PRICKLE3: variants seen among roughly 807,000 people sequenced by gnomAD.
PRICKLE3 encodes the protein LIM domain only protein 6.
A neutral mutation model predicts 33.8 loss-of-function variants in PRICKLE3; 17 were observed. The ratio of observed to expected loss-of-function variants is 0.50; its 90% confidence interval spans 0.34 to 0.75. The LOEUF (loss-of-function observed/expected upper bound fraction) is 0.75. PRICKLE3 is among the 30% of genes least tolerant of loss of function. PRICKLE3 has a pLI of 0.01. For synonymous variants in PRICKLE3, 211 were observed against 219.6 expected, an observed-to-expected ratio of 0.96 and a Z score of 0.34; for missense variants, 573 against 576.7, an observed-to-expected ratio of 0.99 and a Z score of 0.07.
chrX:49,183,520 G>A, intron 3 of PRICKLE3: 2 of 774,857 alleles, frequency 2.6e-6, no homozygotes, highest in Non-Finnish European at 3.6e-6. Context: ...AATAGGATTG[G>A]GGTGAACAGG....
intron 7 of PRICKLE3, 60 bp downstream of exon 7, chrX:49,177,933 G>A: frequency 9.1e-7 from 1 of 1,101,936 alleles, no homozygotes; most frequent in East Asian, 3.0e-5. Context: ...TCCTGGTGGG[G>A]TAGGACTGTG....
chrX:49,181,929 G>A (rs1281080701), intron 3 of PRICKLE3, among the ~76,000 whole-genome samples: 1 of 106,748 alleles, frequency 9.4e-6, no homozygotes, highest in Non-Finnish European at 1.9e-5. Flanking sequence ...GATTACAGGC[G>A]TGAACCACTG....
chrX:49,181,337 A>G (rs1376852207), intron 3 of PRICKLE3, among the ~76,000 whole-genome samples: 1 of 100,487 alleles, frequency 1.0e-5, no homozygotes, highest in Non-Finnish European at 2.0e-5. Flanking sequence ...CACTGCACTC[A>G]AACCTGGGAG....
Position 49,178,027 on chromosome X carries a change from G to T in PRICKLE3, c.921C>A (p.His307Gln). The stretch of plus-strand genomic sequence containing the variant: ...CCCCACAGCCATCACAGTACTCCGC[G>T]TGGCGGGCCTCGTAGCAGGCGCAGC... ...PHCCACYEAR[H>Q]AEYCDGCGEH... Residue 307 changes from histidine (H) to glutamine (Q), a missense_variant, in exon 7 of 9, where the codon CAC becomes CAA. By Grantham distance (24) the His-to-Gln change is conservative (BLOSUM62 0). Coordinates refer to ENST00000599218, the MANE Select transcript of PRICKLE3 (RefSeq NM_006150.5). 1 of 1,155,227 alleles carries T rather than the reference G, an allele frequency of 8.7e-7. No homozygotes were observed. The highest frequency in any genetic ancestry group is 1.2e-6 in the Non-Finnish European group (1 of 866,850).
At position 49,175,953 on chromosome X, in the gene PRICKLE3, T is replaced by C. The variant is rs374266979; in HGVS notation, c.1568A>G (p.Asn523Ser). Residue 523 changes from asparagine to serine, a missense_variant, in exon 9 of 9, where the codon AAC becomes AGC. Asn to Ser is a conservative substitution (Grantham distance 46, BLOSUM62 1). Coordinates refer to ENST00000599218, the MANE Select transcript of PRICKLE3 (RefSeq NM_006150.5). ...GTGGCGACGTCTGCTTGGGTGGCGG[T>C]TGTGATGGTGATGGTGATTATGATG... ...HHHHNHHHHHNRHPSRRRHYQ... is the reference protein window; with the variant it reads ...HHHHNHHHHHSRHPSRRRHYQ... The C allele has an allele frequency of 2.9e-5, 35 of 1,208,303 alleles. No homozygotes were observed. In the East Asian group the frequency reaches 5.3e-4, roughly 18 times the overall value.
Position 49,175,817 on chromosome X carries a change from G to A in PRICKLE3, c.1704C>T (p.Ile568=). 3 of 1,212,237 alleles carry A rather than the reference G, an allele frequency of 2.5e-6. No individual in the cohort carries two copies. The highest frequency in any genetic ancestry group is 3.3e-6 in the Non-Finnish European group (3 of 895,556). Reference sequence around the variant, plus strand: ...GCCTGCACAAATGCGGGGGCAGAGGGATGCGCTCTCCTAGGAAGAAGCCAT... The same window carrying A: ...GCCTGCACAAATGCGGGGGCAGAGGAATGCGCTCTCCTAGGAAGAAGCCAT... ...EDDGFFLGER[I]PLPPHLCRPM... The change falls in exon 9 of 9, where the codon ATC becomes ATT. Residue 568 remains isoleucine, a synonymous_variant. Coordinates refer to ENST00000599218, the MANE Select transcript of PRICKLE3 (RefSeq NM_006150.5).
intron 8 of PRICKLE3, among the ~76,000 whole-genome samples, chrX:49,176,511 AC>A (rs1202705802): frequency 9.2e-6 from 1 of 108,201 alleles, no homozygotes; most frequent in Non-Finnish European, 1.9e-5. Flanking sequence ...TGGCCAGGGC[AC>A]CCGGGGTGGC....
chrX:49,184,899 G>C, intron 1 of PRICKLE3, 189 bp from the exon 2 acceptor site: 1 of 1,127,098 alleles, frequency 8.9e-7, no homozygotes, highest in Non-Finnish European at 1.2e-6. Context: ...CAGAGGCGGG[G>C]CAGTTGGAGC....
At position 49,177,088 on chromosome X, in the gene PRICKLE3, C is replaced by T. The variant is rs782354019; in HGVS notation, c.1070G>A (p.Arg357Gln). Residue 357 changes from arginine (R) to glutamine (Q), a missense_variant, in exon 8 of 9, where the codon CGA becomes CAA. Arg to Gln is a conservative substitution (Grantham distance 43). Transcript: ENST00000599218. ...GGCTCGAGAGCAGAAGATTAGGCCTCGGCGTGGCAGGAATGGGCGGCCCAG... is the reference window on the plus strand; with the variant it reads ...GGCTCGAGAGCAGAAGATTAGGCCTTGGCGTGGCAGGAATGGGCGGCCCAG... Reference protein sequence around the residue: ...ALLGRPFLPRRGLIFCSRACS... With the variant: ...ALLGRPFLPRQGLIFCSRACS... 42 of 1,203,151 alleles carry T rather than the reference C, an allele frequency of 3.5e-5. No individual in the cohort carries two copies. The highest frequency in any genetic ancestry group is 6.7e-5 in the Admixed American group (3 of 45,059).
intron 5 of PRICKLE3, 125 bp downstream of exon 5, chrX:49,179,126 C>A: frequency 1.1e-6 from 1 of 925,801 alleles, no homozygotes; most frequent in Non-Finnish European, 1.5e-6. Flanking sequence ...AAGAGGGGAC[C>A]CTAGAGACAC....
intron 3 of PRICKLE3, among the ~76,000 whole-genome samples, chrX:49,182,550 T>C (rs1368183658): frequency 1.8e-5 from 2 of 112,784 alleles, no homozygotes; most frequent in Non-Finnish European, 3.7e-5. Flanking sequence ...GCCTTGGCAT[T>C]AGCCATGCCC....
At chrX:49,181,499 GTA>G (rs1314136841) in intron 3 of PRICKLE3, among the ~76,000 whole-genome samples, 12 of 88,383 alleles carry the variant, frequency 1.4e-4, no homozygotes, top group African/African-American at 1.7e-4. Flanking sequence ...ATACATATGT[GTA>G]TATATATGTG....
At chrX:49,182,971 G>A (rs1303327090) in intron 3 of PRICKLE3, among the ~76,000 whole-genome samples, 1 of 110,407 alleles carries the variant, frequency 9.1e-6, no homozygotes, top group Non-Finnish European at 1.9e-5. Context: ...TTACAGGTGT[G>A]CACCACCACA....
intron 3 of PRICKLE3, among the ~76,000 whole-genome samples, chrX:49,182,825 ATTT>A (rs34181703): frequency 7.4e-4 from 54 of 72,826 alleles, no homozygotes; most frequent in African/African-American, 2.0e-3. Context: ...GCCTGGGCAG[ATTT>A]TTTTTTTTTT....
chrX:49,178,774 G>T (rs2065433489), intron 5 of PRICKLE3, among the ~76,000 whole-genome samples: 1 of 112,137 alleles, frequency 8.9e-6, no homozygotes, highest in African/African-American at 3.2e-5. Context: ...GCCAGGCCTA[G>T]TGGGGGAAAC....
At chrX:49,184,769 G>C in intron 1 of PRICKLE3, 59 bp from the exon 2 acceptor site, 1 of 1,161,295 alleles carries the variant, frequency 8.6e-7, no homozygotes, top group Non-Finnish European at 1.2e-6. Context: ...GGAAGGAGAA[G>C]TCAACGCCCG....
intron 3 of PRICKLE3, among the ~76,000 whole-genome samples, chrX:49,181,379 T>C (rs1489045287): frequency 1.1e-5 from 1 of 87,949 alleles, no homozygotes; most frequent in Admixed American, 1.3e-4. Context: ...TATATATATA[T>C]GTGTGTGTGT....
chrX:49,176,656 T>C (rs1037754769), intron 8 of PRICKLE3, among the ~76,000 whole-genome samples: 26 of 106,288 alleles, frequency 2.4e-4, no homozygotes, highest in Admixed American at 1.0e-4. Context: ...CAGAGACAAG[T>C]TGAGGTAGGG....
intron 8 of PRICKLE3, among the ~76,000 whole-genome samples, chrX:49,176,474 AG>A (rs1329906159): frequency 9.1e-6 from 1 of 109,610 alleles, no homozygotes; most frequent in Non-Finnish European, 1.9e-5. Flanking sequence ...AAGAACACGG[AG>A]CAAGATGGGA....
Sources: gnomAD v4.1 joint callset for allele counts (sites outside exome capture counted in the v4.1 genomes callset) on GRCh38, gnomAD v4.1.1 for gene constraint, MANE v1.5 for transcripts, NCBI Gene and HGNC (gene_info 2026-07-23, HGNC 2026-07-21) for gene names.